The following KDM4B variants were observed in gnomAD, a reference collection of about 807,000 sequenced individuals.
The protein encoded by KDM4B is lysine-specific demethylase 4B.
In KDM4B, 32 loss-of-function variants were observed where a neutral mutation model predicts 125.2. The ratio of observed to expected loss-of-function variants is 0.26; its 90% confidence interval spans 0.19 to 0.34. The LOEUF is 0.34. Among genes scored for constraint, KDM4B ranks in the 10% least tolerant of loss-of-function variants. The pLI is 1.00. For missense variants in KDM4B, 1,190 were observed against 1,577.7 expected (o/e 0.75, Z 4.16); for synonymous variants, 721 against 677.9 (o/e 1.06, Z -0.99).
At chr19:4,975,140 C>T (rs922302832) in intron 1 of KDM4B, among the ~76,000 whole-genome samples, 11 of 152,170 alleles carry the variant, frequency 7.2e-5, no homozygotes, top group Non-Finnish European at 1.5e-4. Context: ...TTTGTCTCAT[C>T]TACTAGGGCA....
rs140949361 is a variant in KDM4B at position 5,013,222 on chromosome 19, G to A, written c.-108-3035G>A. Reference sequence around the variant, plus strand: ...TCTTGACCAAGTGCTGAGAGTGGGGGTGGCCCGTCGTGCAGCGGGGGAGAG... The same window carrying A: ...TCTTGACCAAGTGCTGAGAGTGGGGATGGCCCGTCGTGCAGCGGGGGAGAG... On this transcript the variant is annotated intron_variant, in intron 1 of 22. Transcript: ENST00000159111. 6.9e-3 allele frequency among the ~76,000 whole-genome samples: 1,047 copies of A among 152,316 alleles called. 8 individuals carry two copies. The highest frequency in any genetic ancestry group is 0.024 in the African/African-American group (1,002 of 41,560).
At chr19:5,111,855 G>A (rs1389572320) in intron 10 of KDM4B, 19 of 763,796 alleles carry the variant, frequency 2.5e-5, no homozygotes, top group Non-Finnish European at 3.4e-5. Context: ...GAAGAAATGC[G>A]CGTGGCTGTG....
At chr19:5,104,740 C>A (rs1599194010) in intron 9 of KDM4B, among the ~76,000 whole-genome samples, 1 of 152,106 alleles carries the variant, frequency 6.6e-6, no homozygotes, top group Non-Finnish European at 1.5e-5. Context: ...CACCCTCACA[C>A]CCCCCAAAAA....
intron 2 of KDM4B, among the ~76,000 whole-genome samples, chr19:5,022,678 C>T (rs899218197): frequency 2.0e-5 from 3 of 152,030 alleles, no homozygotes; most frequent in East Asian, 1.9e-4. Context: ...CTTGGAGTGC[C>T]GCCTCTGTCT....
chr19:5,080,718 CAT>C (rs1209970514), intron 8 of KDM4B: 2 of 152,242 alleles, frequency 1.3e-5, no homozygotes, highest in Non-Finnish European at 1.5e-5. Context: ...GAAATGAAAA[CAT>C]ATGTCTCCAG....
At chr19:5,008,652 A>G (rs1438448292) in intron 1 of KDM4B, among the ~76,000 whole-genome samples, 4 of 144,382 alleles carry the variant, frequency 2.8e-5, no homozygotes, top group African/African-American at 7.8e-5. Flanking sequence ...GTGCAGTGCC[A>G]CAATCTCAAT....
At chr19:5,040,492 GAC>G (rs1291011027) in intron 4 of KDM4B, among the ~76,000 whole-genome samples, 1 of 152,076 alleles carries the variant, frequency 6.6e-6, no homozygotes, top group Non-Finnish European at 1.5e-5. Context: ...TCTACACAGG[GAC>G]ACACAGGCTC....
rs2146101135 is a variant in KDM4B at position 5,143,963 on chromosome 19, C to T, written c.2551-4C>T. 2.5e-6 allele frequency: 4 copies of T among 1,575,546 alleles called. No homozygotes were observed. The highest frequency in any genetic ancestry group is 2.6e-6 in the Non-Finnish European group (3 of 1,152,040). On this transcript the variant is annotated splice_region_variant and splice_polypyrimidine_tract_variant and intron_variant, in intron 18 of 22. Coordinates refer to ENST00000159111, the MANE Select transcript of KDM4B (RefSeq NM_015015.3). ...CATGCCCCTGCCTGTGTCCCCATCC[C>T]CAGAAATGCGTGTACTGCCGGAAGC...
At chr19:5,063,432 A>G (rs2037668075) in intron 6 of KDM4B, among the ~76,000 whole-genome samples, 1 of 152,152 alleles carries the variant, frequency 6.6e-6, no homozygotes, top group Non-Finnish European at 1.5e-5. Flanking sequence ...CTGCTTGCCA[A>G]CCATGTGTGT....
intron 1 of KDM4B, among the ~76,000 whole-genome samples, chr19:4,981,022 A>G (rs1042544489): frequency 1.1e-4 from 17 of 152,070 alleles, no homozygotes; most frequent in African/African-American, 4.1e-4. Flanking sequence ...GCGGGCCTGC[A>G]GGGGTGCAGA....
At chr19:5,122,614 T>C (rs2039380730) in intron 11 of KDM4B, among the ~76,000 whole-genome samples, 1 of 152,242 alleles carries the variant, frequency 6.6e-6, no homozygotes, top group Admixed American at 6.5e-5. Context: ...CCACTGCTGT[T>C]TATCAAAGGA....
chr19:4,998,332 T>G (rs569171549), intron 1 of KDM4B, among the ~76,000 whole-genome samples: 1 of 152,206 alleles, frequency 6.6e-6, no homozygotes, highest in Non-Finnish European at 1.5e-5. Context: ...ACTTCCCTTT[T>G]TTGTTGTTTT....
intron 11 of KDM4B, among the ~76,000 whole-genome samples, chr19:5,124,039 G>A (rs891139106): frequency 1.3e-5 from 2 of 152,128 alleles, no homozygotes; most frequent in African/African-American, 4.8e-5. Context: ...GGGGCTGCGT[G>A]GGCCACCTTG....
At chr19:5,016,454 A>G (rs957311176) in intron 2 of KDM4B, 115 bp downstream of exon 2, 1 of 152,212 alleles carries the variant, frequency 6.6e-6, no homozygotes, top group Non-Finnish European at 1.5e-5. Context: ...CCGGCTCTGA[A>G]TTCCCGGGAC....
At chr19:5,116,695 G>A (rs927734077) in intron 10 of KDM4B, among the ~76,000 whole-genome samples, 34 of 152,240 alleles carry the variant, frequency 2.2e-4, no homozygotes, top group African/African-American at 5.5e-4. Context: ...AGGAAGCTAG[G>A]CGTCCAAAGC....
chr19:5,131,496 G>T lies in KDM4B; in HGVS notation c.1736G>T (p.Ser579Ile). The stretch of plus-strand genomic sequence containing the variant: ...ACGGGGCCAGAGGACGGTGCAGCCA[G>T]CAGTGGGGCAGGTCGCATGGAGACC... ...ELTGPEDGAA[S>I]SGAGRMETKA... Residue 579 changes from serine (S) to isoleucine (I), a missense_variant, in exon 12 of 23, where the codon AGC (serine) becomes ATC (isoleucine). Physicochemically the swap from Ser to Ile is moderately radical, Grantham distance 142. This residue lies in a region of KDM4B where 428 missense variants were observed against 405.1 expected (regional missense o/e 1.06). Coordinates refer to ENST00000159111, the MANE Select transcript of KDM4B (RefSeq NM_015015.3). The T allele has an allele frequency of 6.3e-7, 1 of 1,597,062 alleles. No homozygotes were observed. The highest frequency in any genetic ancestry group is 8.5e-7 in the Non-Finnish European group (1 of 1,177,626).
intron 17 of KDM4B, 123 bp from the exon 18 acceptor site, chr19:5,137,839 G>A (rs1421797194): frequency 9.6e-7 from 1 of 1,040,788 alleles, no homozygotes; most frequent in Non-Finnish European, 1.4e-6. Context: ...GCATACGCCT[G>A]CACCGACCTT....
chr19:5,000,710 C>T (rs1297822226), intron 1 of KDM4B, among the ~76,000 whole-genome samples: 1 of 152,160 alleles, frequency 6.6e-6, no homozygotes, highest in African/African-American at 2.4e-5. Context: ...CCCTTCTTTA[C>T]TGTGGTTATA....
intron 1 of KDM4B, among the ~76,000 whole-genome samples, chr19:4,975,009 C>T (rs961178424): frequency 6.6e-5 from 10 of 152,110 alleles, no homozygotes; most frequent in South Asian, 4.1e-4. Flanking sequence ...TTGCTGTGCC[C>T]GCTGCCTGGT....
Sources: gnomAD v4.1 joint callset for allele counts (sites outside exome capture counted in the v4.1 genomes callset) on GRCh38, gnomAD v4.1.1 for gene constraint, gnomAD v4.1.1 regional missense constraint, MANE v1.5 for transcripts, NCBI Gene and HGNC (gene_info 2026-07-23, HGNC 2026-07-21) for gene names.